FMO3: variants seen among roughly 807,000 people sequenced by gnomAD.
FMO3 encodes flavin containing dimethylaniline monoxygenase 3, also known as flavin-containing monooxygenase 3.
FMO3 carries 40 observed loss-of-function variants against 39.4 expected under a neutral mutation model. The observed-to-expected ratio is 1.02, with a 90% confidence interval of 0.79 to 1.32. The LOEUF (loss-of-function observed/expected upper bound fraction) is 1.32. Among genes scored for constraint, FMO3 ranks in the 40% most tolerant of loss-of-function variants. The probability of loss-of-function intolerance (pLI) is 0.00; values close to 1 mark genes in which losing one functional copy is unlikely to be tolerated. For missense variants in FMO3, 680 were observed against 651.8 expected, an observed-to-expected ratio of 1.04 and a Z score of -0.47; for synonymous variants, 219 against 228.8, an observed-to-expected ratio of 0.96 and a Z score of 0.39.
At position 171,117,577 on chromosome 1, in the gene FMO3, G is replaced by A; in HGVS notation, c.*135G>A. 3.1e-6 allele frequency: 2 copies of A among 640,680 alleles called. No individual in the cohort carries two copies. The highest frequency in any genetic ancestry group is 5.4e-6 in the Non-Finnish European group (2 of 373,314). The allele number at this position is 640,680 out of a possible 1,614,324, so 39.7% of individuals were successfully genotyped here. ...TGCAGTACTCTGTAGACATTAGTCA[G>A]TAATACAGTGTTATTTCTAGGCTCT... On this transcript the variant is annotated 3_prime_UTR_variant, in exon 9 of 9. Transcript: ENST00000367755.
At chr1:171,091,062 C>T (rs1654677735) in intron 1 of FMO3, 81 bp downstream of exon 1, 1 of 152,120 alleles carries the variant, frequency 6.6e-6, no homozygotes, top group African/African-American at 2.4e-5. Flanking sequence ...CAAATCTCTA[C>T]CAAAGATACA....
At position 171,117,554 on chromosome 1, in the gene FMO3, C is replaced by A; in HGVS notation, c.*112C>A. 1 of 773,726 alleles carries A rather than the reference C, an allele frequency of 1.3e-6. No individual in the cohort carries two copies. The highest frequency in any genetic ancestry group is 1.7e-5 in the South Asian group (1 of 60,304). 47.9% of individuals were successfully genotyped at this position (773,726 alleles called of 1,614,324 possible). A position where few individuals can be genotyped will look rare whatever the true frequency, so the allele number is the denominator to read the frequency against. ...CTGCTTTTCTATTCAGCATCTTTTG[C>A]AGTACTCTGTAGACATTAGTCAGTA... On this transcript the variant is annotated 3_prime_UTR_variant, in exon 9 of 9. Coordinates refer to ENST00000367755, the MANE Select transcript of FMO3 (RefSeq NM_001002294.3).
rs567891677 is a variant in FMO3, at chr1:171,093,104, AAC to A, written c.132+318_132+319del. Among the ~76,000 whole-genome samples the A allele has an allele frequency of 1.6e-4, 23 of 145,434 alleles. No homozygotes were observed. In the East Asian group the frequency reaches 4.5e-3, roughly 29 times the overall value. On this transcript the variant is annotated intron_variant, in intron 2 of 8. Transcript: ENST00000367755. Reference sequence around the variant, plus strand: ...TAGTTATAATTATTTACTCATTTAAAACACAATAACTTTTCACATCTTTTTTT... The same window carrying A: ...TAGTTATAATTATTTACTCATTTAAAACAATAACTTTTCACATCTTTTTTT...
In FMO3 at chr1:171,117,532, C is replaced by T; in HGVS notation, c.*90C>T. The stretch of plus-strand genomic sequence containing the variant: ...AAAATTAAAATTTTCACACCACCTG[C>T]TTTTCTATTCAGCATCTTTTGCAGT... On this transcript the variant is annotated 3_prime_UTR_variant, in exon 9 of 9. Transcript: ENST00000367755. 2.2e-6 allele frequency: 2 copies of T among 929,152 alleles called. No homozygotes were observed. The highest frequency in any genetic ancestry group is 5.1e-5 in the East Asian group (2 of 38,906). 57.6% of individuals were successfully genotyped at this position (929,152 alleles called of 1,614,324 possible). A position where few individuals can be genotyped will look rare whatever the true frequency, so the allele number is the denominator to read the frequency against.
At chr1:171,092,938 G>T (rs188701984) in intron 2 of FMO3, 148 bp downstream of exon 2, 77 of 869,624 alleles carry the variant, frequency 8.9e-5, no homozygotes, top group Non-Finnish European at 1.2e-4. Context: ...GTCAAGAGCA[G>T]GTTGGAAAGT....
At chr1:171,101,592 C>A in intron 2 of FMO3, 1 of 429,148 alleles carries the variant, frequency 2.3e-6, no homozygotes, top group South Asian at 1.7e-5. Context: ...TAAAACTTAG[C>A]TAACACTAAG....
At chr1:171,096,614 A>G (rs1256021980) in intron 2 of FMO3, among the ~76,000 whole-genome samples, 6 of 124,762 alleles carry the variant, frequency 4.8e-5, no homozygotes, top group African/African-American at 1.6e-4. Flanking sequence ...TATATATTAA[A>G]TACATAATAT....
chr1:171,091,548 G>A (rs1012132989), intron 1 of FMO3, among the ~76,000 whole-genome samples: 1 of 151,686 alleles, frequency 6.6e-6, no homozygotes, highest in Non-Finnish European at 1.5e-5. Flanking sequence ...GGACGCTGAA[G>A]GTAGTGGGAA....
intron 3 of FMO3, among the ~76,000 whole-genome samples, chr1:171,106,955 C>T (rs1655667021): frequency 6.6e-6 from 1 of 152,078 alleles, no homozygotes; most frequent in Non-Finnish European, 1.5e-5. Context: ...TATTATATTT[C>T]ATAACTAACA....
intron 2 of FMO3, among the ~76,000 whole-genome samples, chr1:171,097,037 G>A (rs1226031418): frequency 4.0e-5 from 6 of 150,156 alleles, no homozygotes; most frequent in East Asian, 1.9e-4. Context: ...GAGAACATGT[G>A]GTGTTTGGTT....
intron 3 of FMO3, among the ~76,000 whole-genome samples, chr1:171,106,532 A>C (rs537714217): frequency 5.4e-4 from 82 of 152,334 alleles, no homozygotes; most frequent in African/African-American, 1.9e-3. Context: ...ATTCACTTTA[A>C]AGTTTCAGAA....
At chr1:171,096,312 T>C (rs111214367) in intron 2 of FMO3, among the ~76,000 whole-genome samples, 6 of 95,412 alleles carry the variant, frequency 6.3e-5, no homozygotes, top group African/African-American at 2.7e-4. Context: ...TCATATATAA[T>C]ATTTATATAT....
At chr1:171,096,267 TATAA>T (rs1426811916) in intron 2 of FMO3, among the ~76,000 whole-genome samples, 89 of 58,090 alleles carry the variant, frequency 1.5e-3, no homozygotes, top group African/African-American at 5.7e-3. Context: ...ATTTTATATA[TATAA>T]ATATTATATA....
chr1:171,092,796 T>TTTTC lies in FMO3; in HGVS notation c.132+6_132+7insTTTC. The TTTTC allele has an allele frequency of 6.2e-7, 1 of 1,613,542 alleles. No homozygotes were observed. The highest frequency in any genetic ancestry group is 8.5e-7 in the Non-Finnish European group (1 of 1,179,802). ...GGGGCCTGTGGAAATTTTCAGTGAG[T>TTTTC]AGCATGTTGTTGTAATAGACAGGAA... On this transcript the variant is annotated splice_region_variant and intron_variant, in intron 2 of 8. Coordinates refer to ENST00000367755, the MANE Select transcript of FMO3 (RefSeq NM_001002294.3).
At position 171,108,133 on chromosome 1, in the gene FMO3, G is replaced by A; in HGVS notation, c.539G>A (p.Gly180Asp). 1 of 1,613,844 alleles carries A rather than the reference G, an allele frequency of 6.2e-7. No individual in the cohort carries two copies. ...CFHSRDYKEP[G>D]VFNGKRVLVV... The stretch of plus-strand genomic sequence containing the variant: ...CACAGCAGGGACTATAAAGAACCAG[G>A]TGTATTCAATGGAAAGCGTGTCCTG... The change falls in exon 5 of 9, where the codon GGT becomes GAT. Residue 180 changes from glycine to aspartate, a missense_variant. Coordinates refer to ENST00000367755, the MANE Select transcript of FMO3 (RefSeq NM_001002294.3).
rs1228257104 is a variant in FMO3 at position 171,093,827 on chromosome 1, C to CTTTTTTTTT, written c.132+1054_132+1062dup. ...CTTTTCTCCACATACTCACTAATATCTTTTTTTTTTTTTTTTTTTTTTTTT... is the reference window on the plus strand; with the variant it reads ...CTTTTCTCCACATACTCACTAATATCTTTTTTTTTTTTTTTTTTTTTTTTTTTTTTTTTT... On this transcript the variant is annotated intron_variant, in intron 2 of 8. Transcript: ENST00000367755. 7.8e-4 allele frequency among the ~76,000 whole-genome samples: 59 copies of CTTTTTTTTT among 75,308 alleles called. 1 individual carries two copies. Among genetic ancestry groups the CTTTTTTTTT allele is most frequent in the East Asian group, 1.0e-3 (2 of 1,958 alleles). The allele number at this position is 75,308 out of a possible 152,430, so 49.4% of individuals were successfully genotyped here.
At chr1:171,112,694 A>C (rs1655966138) in intron 6 of FMO3, among the ~76,000 whole-genome samples, 1 of 152,226 alleles carries the variant, frequency 6.6e-6, no homozygotes, top group African/African-American at 2.4e-5. Context: ...ATGTTGAGCC[A>C]GCAGTGGGAA....
chr1:171,104,267 T>C (rs1206267767), intron 3 of FMO3, among the ~76,000 whole-genome samples: 1 of 152,142 alleles, frequency 6.6e-6, no homozygotes, highest in African/African-American at 2.4e-5. Context: ...TCTTTTTATC[T>C]AAATAACATA....
intron 6 of FMO3, among the ~76,000 whole-genome samples, chr1:171,111,775 A>G (rs1410888483): frequency 1.3e-5 from 2 of 152,226 alleles, no homozygotes; most frequent in African/African-American, 2.4e-5. Flanking sequence ...CACGTTTATT[A>G]TATGCCACAT....
Sources: gnomAD v4.1 joint callset for allele counts (sites outside exome capture counted in the v4.1 genomes callset) on GRCh38, gnomAD v4.1.1 for gene constraint, MANE v1.5 for transcripts, NCBI Gene and HGNC (gene_info 2026-07-23, HGNC 2026-07-21) for gene names.